Variants in ASIC2 observed in about 807,000 individuals in gnomAD.
ASIC2 encodes the protein acid sensing ion channel subunit 2, also known as acid-sensing ion channel 2.
Under a neutral mutation model 57.3 loss-of-function variants are expected in ASIC2, and 25 were observed. The ratio of observed to expected loss-of-function variants is 0.44; its 90% CI spans 0.32 to 0.61. The LOEUF is 0.61. Among genes scored for constraint, ASIC2 ranks in the 20% least tolerant of loss-of-function variants. The pLI is 0.06. For synonymous variants in ASIC2, 319 were observed against 307.5 expected (o/e 1.04, Z -0.39); for missense variants, 641 against 738.1 (o/e 0.87, Z 1.52).
chr17:34,066,207 TGAA>T (rs1909166908), intron 1 of ASIC2, among the ~76,000 whole-genome samples: 2 of 152,178 alleles, frequency 1.3e-5, no homozygotes, highest in South Asian at 2.1e-4. Flanking sequence ...CTTAAAGGAC[TGAA>T]GAAGTTCACA....
At chr17:33,229,662 C>T (rs769932470) in intron 1 of ASIC2, among the ~76,000 whole-genome samples, 9 of 152,148 alleles carry the variant, frequency 5.9e-5, no homozygotes, top group Non-Finnish European at 8.8e-5. Context: ...CAGCTCATTT[C>T]GGGAATTGAA....
At chr17:33,818,149 T>A (rs1422278872) in intron 1 of ASIC2, among the ~76,000 whole-genome samples, 1 of 152,098 alleles carries the variant, frequency 6.6e-6, no homozygotes, top group African/African-American at 2.4e-5. Flanking sequence ...AGACTCCACC[T>A]CTTGATGAGG....
intron 1 of ASIC2, among the ~76,000 whole-genome samples, chr17:33,827,290 T>C (rs929653765): frequency 6.6e-6 from 1 of 150,768 alleles, no homozygotes; most frequent in African/African-American, 2.4e-5. Flanking sequence ...TTCCCTAGTA[T>C]TTTCTTTACT....
At chr17:33,815,941 C>T (rs9902964) in intron 1 of ASIC2, among the ~76,000 whole-genome samples, 11,213 of 152,084 alleles carry the variant, frequency 0.074, 477 homozygotes, top group East Asian at 0.19. Flanking sequence ...TCACAGTCTA[C>T]GGGGGAGGAT....
chr17:33,487,192 C>T (rs993103190), intron 1 of ASIC2, among the ~76,000 whole-genome samples: 8 of 152,116 alleles, frequency 5.3e-5, no homozygotes, highest in Non-Finnish European at 7.3e-5. Context: ...GTACTAGAAC[C>T]TGCAATGGTT....
chr17:33,298,509 TGGGTTG>T (rs1905816438), intron 1 of ASIC2, among the ~76,000 whole-genome samples: 1 of 152,234 alleles, frequency 6.6e-6, no homozygotes, highest in African/African-American at 2.4e-5. Flanking sequence ...AATGGACCTT[TGGGTTG>T]GTTCCAAGTC....
At chr17:33,033,473 C>T (rs2091894434) in intron 3 of ASIC2, among the ~76,000 whole-genome samples, 1 of 152,174 alleles carries the variant, frequency 6.6e-6, no homozygotes, top group South Asian at 2.1e-4. Context: ...TGGGAGCTCC[C>T]AGGTACAGCT....
In ASIC2 at chr17:33,734,695, G is replaced by A. The variant is rs373932857; in HGVS notation, c.555+421283C>T. The stretch of plus-strand genomic sequence containing the variant: ...GGGACCCCAATCCAATAAGACTGGT[G>A]CCCTTATAAGAAGAGGAAGAGACAC... On this transcript the variant is annotated intron_variant, in intron 1 of 9. Coordinates refer to the ASIC2 transcript ENST00000359872. Among the ~76,000 whole-genome samples, 14 of 152,276 alleles carry A rather than the reference G, an allele frequency of 9.2e-5. No homozygotes were observed. In the South Asian group the frequency reaches 2.9e-3, roughly 32 times the overall value.
upstream of ASIC2, among the ~76,000 whole-genome samples, chr17:33,294,006 C>A (rs1399301012): frequency 6.6e-6 from 1 of 152,016 alleles, no homozygotes. Context: ...ACAATCCTCC[C>A]CTCAGCCTCT....
chr17:33,930,698 G>A (rs1229701384), intron 1 of ASIC2, among the ~76,000 whole-genome samples: 2 of 152,206 alleles, frequency 1.3e-5, no homozygotes, highest in African/African-American at 2.4e-5. Context: ...TGCACTGCAG[G>A]GGTGTGTCGA....
At chr17:34,152,256 A>G (rs1200268194) in intron 1 of ASIC2, among the ~76,000 whole-genome samples, 3 of 152,198 alleles carry the variant, frequency 2.0e-5, no homozygotes, top group African/African-American at 7.2e-5. Context: ...TTAAAATACA[A>G]ACACATACAA....
At chr17:33,448,883 T>C (rs1912140156) in intron 1 of ASIC2, among the ~76,000 whole-genome samples, 2 of 152,236 alleles carry the variant, frequency 1.3e-5, no homozygotes, top group African/African-American at 4.8e-5. Context: ...ATGGATCCTC[T>C]GTAGGGAAAA....
intron 1 of ASIC2, among the ~76,000 whole-genome samples, chr17:33,235,539 T>C (rs551677101): frequency 1.2e-3 from 182 of 152,274 alleles, no homozygotes; most frequent in African/African-American, 4.3e-3. Context: ...AGGAGTGACA[T>C]GCAGACTAGG....
intron 1 of ASIC2, among the ~76,000 whole-genome samples, chr17:33,305,018 G>A (rs1447001043): frequency 6.6e-6 from 1 of 152,086 alleles, no homozygotes; most frequent in East Asian, 1.9e-4. Flanking sequence ...GGCAGTATAA[G>A]GAGATAAGAA....
chr17:33,898,552 C>G (rs1228123048), intron 1 of ASIC2, among the ~76,000 whole-genome samples: 1 of 152,074 alleles, frequency 6.6e-6, no homozygotes, highest in Non-Finnish European at 1.5e-5. Context: ...ATACTCTTAC[C>G]TAGCTTCCCG....
chr17:33,353,271 A>G (rs972267095), intron 1 of ASIC2, among the ~76,000 whole-genome samples: 7 of 152,142 alleles, frequency 4.6e-5, no homozygotes, highest in Non-Finnish European at 1.0e-4. Context: ...GAACATGCCC[A>G]TTGCCGTGGT....
chr17:33,783,860 T>A (rs1911526991), intron 1 of ASIC2, among the ~76,000 whole-genome samples: 1 of 152,186 alleles, frequency 6.6e-6, no homozygotes, highest in Admixed American at 6.5e-5. Context: ...GTCAGCAAGG[T>A]CTCTTCCATT....
chr17:33,932,033 T>G (rs1915942534), intron 1 of ASIC2, among the ~76,000 whole-genome samples: 1 of 152,158 alleles, frequency 6.6e-6, no homozygotes, highest in Non-Finnish European at 1.5e-5. Context: ...ATATCCTCTC[T>G]GCTTCCCAAG....
intron 1 of ASIC2, among the ~76,000 whole-genome samples, chr17:33,304,541 A>C (rs1906091470): frequency 6.6e-6 from 1 of 152,128 alleles, no homozygotes; most frequent in Non-Finnish European, 1.5e-5. Flanking sequence ...CCAACCAGTA[A>C]AAGTGAGCCA....
Sources: allele counts gnomAD v4.1 joint callset (sites outside exome capture counted in the v4.1 genomes callset), GRCh38; gene constraint gnomAD v4.1.1; transcripts MANE v1.5; gene names NCBI Gene and HGNC (gene_info 2026-07-23, HGNC 2026-07-21).